Variants in HS3ST3A1 observed in about 807,000 individuals in gnomAD.
HS3ST3A1 encodes the protein heparan sulfate-glucosamine 3-sulfotransferase 3A1.
In HS3ST3A1, 19 loss-of-function variants were observed where a neutral mutation model predicts 25.7. That is an observed-to-expected ratio of 0.74 (90% CI 0.52 to 1.08). HS3ST3A1 has a LOEUF of 1.08. HS3ST3A1 is among the 50% of genes least tolerant of loss of function. HS3ST3A1 has a pLI of 0.00. For synonymous variants in HS3ST3A1, 226 were observed against 278.6 expected (o/e 0.81, Z 1.88); for missense variants, 459 against 594.3 (o/e 0.77, Z 2.37).
chr17:13,563,672 A>G (rs1395764982), intron 1 of HS3ST3A1, among the ~76,000 whole-genome samples: 1 of 152,204 alleles, frequency 6.6e-6, no homozygotes. Context: ...AATGGAGTTC[A>G]GAGGGTCATA....
intron 1 of HS3ST3A1, among the ~76,000 whole-genome samples, chr17:13,502,206 T>A (rs553965328): frequency 6.6e-6 from 1 of 152,122 alleles, no homozygotes; most frequent in Non-Finnish European, 1.5e-5. Flanking sequence ...GGAACCACGA[T>A]ACACATGCTA....
intron 1 of HS3ST3A1, among the ~76,000 whole-genome samples, chr17:13,565,515 G>A (rs1380822904): frequency 6.6e-6 from 1 of 151,730 alleles, no homozygotes; most frequent in Non-Finnish European, 1.5e-5. Flanking sequence ...CTGGGCTACA[G>A]AGTGAGACCC....
intron 1 of HS3ST3A1, among the ~76,000 whole-genome samples, chr17:13,538,303 A>G (rs1318888655): frequency 1.3e-5 from 2 of 152,218 alleles, no homozygotes; most frequent in Non-Finnish European, 2.9e-5. Flanking sequence ...AAATGGCTCA[A>G]TTACTGACTG....
rs147477836 is a variant in HS3ST3A1, at chr17:13,524,756, G to T, written c.600-27938C>A. Among the ~76,000 whole-genome samples the T allele has an allele frequency of 3.3e-5, 5 of 151,992 alleles. No homozygotes were observed. The South Asian group carries it at 1.0e-3, about 32-fold the overall frequency. ...TAACATTGGGAGAGGCTGGGTGAAG[G>T]GTACATAGGAACTTTCTGCAAAATT... On this transcript the variant is annotated intron_variant, in intron 1 of 1. Transcript: ENST00000284110.
intron 1 of HS3ST3A1, among the ~76,000 whole-genome samples, chr17:13,525,367 A>G (rs1404172335): frequency 6.6e-6 from 1 of 151,676 alleles, no homozygotes. Flanking sequence ...CTGAAATGTA[A>G]TATTTCAAGG....
intron 1 of HS3ST3A1, among the ~76,000 whole-genome samples, chr17:13,504,247 G>T (rs1050459556): frequency 6.6e-6 from 1 of 152,202 alleles, no homozygotes; most frequent in Non-Finnish European, 1.5e-5. Context: ...AACCCAGGAA[G>T]TGGAGGTCGC....
In HS3ST3A1 at chr17:13,494,990, T is replaced by C. The variant is rs66583848; in HGVS notation, c.*1207A>G. On this transcript the variant is annotated 3_prime_UTR_variant, in exon 2 of 2. Transcript: ENST00000284110. ...CCTCCATCCATGAAAAATAAAAACA[T>C]TTTAAACGAACTGCTAATTAATTCT... Among the ~76,000 whole-genome samples the C allele has an allele frequency of 0.17, 25,480 of 152,098 alleles. 3,136 individuals are homozygous for C. The highest frequency in any genetic ancestry group is 0.35 in the African/African-American group (14,496 of 41,452).
In HS3ST3A1 at chr17:13,495,956, C is replaced by T. The variant is rs1905251629; in HGVS notation, c.*241G>A. ...ATACTTTATGACTGGGTATATAGAA[C>T]ATAAAATAAAAACTGAAAATTGAAA... On this transcript the variant is annotated 3_prime_UTR_variant, in exon 2 of 2. Coordinates refer to ENST00000284110, the MANE Select transcript of HS3ST3A1 (RefSeq NM_006042.3). The T allele has an allele frequency of 4.5e-6, 2 of 443,964 alleles. No individual in the cohort carries two copies. The highest frequency in any genetic ancestry group is 4.9e-5 in the South Asian group (1 of 20,374). 27.5% of individuals were successfully genotyped at this position (443,964 alleles called of 1,614,324 possible).
At chr17:13,535,406 T>C (rs1347570873) in intron 1 of HS3ST3A1, among the ~76,000 whole-genome samples, 2 of 152,086 alleles carry the variant, frequency 1.3e-5, no homozygotes, top group African/African-American at 4.8e-5. Flanking sequence ...AAAAACCAAG[T>C]CTCCAAATAC....
intron 1 of HS3ST3A1, among the ~76,000 whole-genome samples, chr17:13,541,995 T>C (rs1906948105): frequency 6.6e-6 from 1 of 152,142 alleles, no homozygotes; most frequent in African/African-American, 2.4e-5. Flanking sequence ...TCAATGTGAC[T>C]GTATTTGAAG....
chr17:13,579,488 C>A (rs62053907), intron 1 of HS3ST3A1, among the ~76,000 whole-genome samples: 14,606 of 151,776 alleles, frequency 0.096, 846 homozygotes, highest in Non-Finnish European at 0.13. Context: ...ATCACTTGCA[C>A]TCAGGAGTTC....
At chr17:13,511,385 G>A (rs1369057256) in intron 1 of HS3ST3A1, among the ~76,000 whole-genome samples, 1 of 152,014 alleles carries the variant, frequency 6.6e-6, no homozygotes, top group African/African-American at 2.4e-5. Flanking sequence ...GAAGGATTTG[G>A]GTGAGGGAAG....
intron 1 of HS3ST3A1, among the ~76,000 whole-genome samples, chr17:13,522,065 G>A (rs1185175189): frequency 6.6e-6 from 1 of 152,098 alleles, no homozygotes; most frequent in East Asian, 1.9e-4. Context: ...CACTGCTTTA[G>A]AAAATTGCCA....
chr17:13,521,784 A>G (rs879564030), intron 1 of HS3ST3A1, among the ~76,000 whole-genome samples: 4 of 152,172 alleles, frequency 2.6e-5, no homozygotes, highest in Non-Finnish European at 4.4e-5. Context: ...TAACCCTAGG[A>G]TTGAGGGAAG....
At chr17:13,530,528 G>A (rs193238743) in intron 1 of HS3ST3A1, among the ~76,000 whole-genome samples, 8 of 152,232 alleles carry the variant, frequency 5.3e-5, no homozygotes, top group Admixed American at 4.6e-4. Flanking sequence ...TTCAAAGGCG[G>A]TCCTGTTACA....
chr17:13,580,119 A>T (rs181925770), intron 1 of HS3ST3A1, among the ~76,000 whole-genome samples: 1 of 152,256 alleles, frequency 6.6e-6, no homozygotes, highest in African/African-American at 2.4e-5. Flanking sequence ...GTTGTGCTAT[A>T]ATGCCAACAC....
At chr17:13,530,573 A>G (rs998433275) in intron 1 of HS3ST3A1, among the ~76,000 whole-genome samples, 1 of 152,192 alleles carries the variant, frequency 6.6e-6, no homozygotes, top group Non-Finnish European at 1.5e-5. Context: ...TAAAAATCAT[A>G]TATAGACAAT....
At chr17:13,566,057 T>C (rs1015729765) in intron 1 of HS3ST3A1, among the ~76,000 whole-genome samples, 3 of 152,246 alleles carry the variant, frequency 2.0e-5, no homozygotes, top group African/African-American at 7.2e-5. Context: ...CTTGCCTTAT[T>C]GAGCTCTGGT....
intron 1 of HS3ST3A1, among the ~76,000 whole-genome samples, chr17:13,587,613 C>G (rs1000806972): frequency 6.6e-6 from 1 of 152,026 alleles, no homozygotes; most frequent in Non-Finnish European, 1.5e-5. Context: ...CCTACTACTC[C>G]TAAATGATTC....
Sources: gnomAD v4.1 joint callset for allele counts (sites outside exome capture counted in the v4.1 genomes callset) on GRCh38, gnomAD v4.1.1 for gene constraint, MANE v1.5 for transcripts, NCBI Gene and HGNC (gene_info 2026-07-23, HGNC 2026-07-21) for gene names.